CHD6: variants seen among roughly 807,000 people sequenced by gnomAD.
The protein encoded by CHD6 is ATP-dependent chromatin remodeler CHD6.
Under a neutral mutation model 276.9 loss-of-function variants are expected in CHD6, and 50 were observed. The observed-to-expected ratio is 0.18, with a 90% confidence interval of 0.14 to 0.23. The LOEUF (loss-of-function observed/expected upper bound fraction) is 0.23, where lower values mean the gene tolerates loss of function less well. CHD6 is among the 10% of genes least tolerant of loss of function. The pLI is 1.00. For missense variants in CHD6, 2,564 were observed against 3,365.8 expected (o/e 0.76, Z 5.89); for synonymous variants, 1,173 against 1,229.3 (o/e 0.95, Z 0.96).
At chr20:41,442,756 T>C (rs188053236) in intron 25 of CHD6, among the ~76,000 whole-genome samples, 58 of 152,298 alleles carry the variant, frequency 3.8e-4, no homozygotes, top group Admixed American at 1.2e-3. Context: ...GTTACCTAGA[T>C]GAGGACATGT....
intron 1 of CHD6, among the ~76,000 whole-genome samples, chr20:41,576,652 C>G (rs1208542963): frequency 1.3e-5 from 2 of 152,122 alleles, no homozygotes; most frequent in Non-Finnish European, 2.9e-5. Flanking sequence ...CCAGCCTGGG[C>G]GACAGAGCAA....
intron 27 of CHD6, among the ~76,000 whole-genome samples, chr20:41,427,221 T>C (rs1445966514): frequency 1.3e-5 from 2 of 151,478 alleles, no homozygotes; most frequent in Admixed American, 1.3e-4. Context: ...TCTAGTATGG[T>C]AGGAAAGGAG....
chr20:41,484,644 T>C lies in CHD6; in HGVS notation c.2002-37A>G, dbSNP rs1386830102. On this transcript the variant is annotated intron_variant, in intron 14 of 36. Coordinates refer to ENST00000373233, the MANE Select transcript of CHD6 (RefSeq NM_032221.5). ...AATGAGACCTAGTTACCTGCCTCAA[T>C]CCCAAGTTAACGATTACTGGGGTAT... 3 of 1,610,648 alleles carry C rather than the reference T, an allele frequency of 1.9e-6. No individual in the cohort carries two copies. In the South Asian group the frequency reaches 3.3e-5, roughly 18 times the overall value.
At chr20:41,439,870 G>A (rs754367068) in intron 26 of CHD6, 130 bp downstream of exon 26, 13 of 852,210 alleles carry the variant, frequency 1.5e-5, no homozygotes, top group African/African-American at 3.4e-5. Context: ...GGAAAACAGC[G>A]GCAGTGTGGC....
intron 1 of CHD6, among the ~76,000 whole-genome samples, chr20:41,593,573 T>G (rs887812154): frequency 1.3e-5 from 2 of 152,168 alleles, no homozygotes; most frequent in Non-Finnish European, 2.9e-5. Context: ...AACCCAACTC[T>G]TAATATAATA....
chr20:41,575,108 T>C (rs1028900528), intron 1 of CHD6, among the ~76,000 whole-genome samples: 2 of 152,212 alleles, frequency 1.3e-5, no homozygotes, highest in Admixed American at 6.5e-5. Flanking sequence ...TTCATTTACA[T>C]AGCGTGTACA....
chr20:41,522,937 C>A (rs970108016), intron 3 of CHD6, among the ~76,000 whole-genome samples: 19 of 152,040 alleles, frequency 1.2e-4, no homozygotes, highest in Admixed American at 1.2e-3. Flanking sequence ...ATCTGGGAGT[C>A]CTTCCTTTAA....
intron 31 of CHD6, among the ~76,000 whole-genome samples, chr20:41,420,009 ACT>A (rs1436876941): frequency 2.0e-5 from 3 of 152,238 alleles, no homozygotes; most frequent in Non-Finnish European, 2.9e-5. Flanking sequence ...AATCAAATGC[ACT>A]GACCTTAAGC....
At chr20:41,500,027 C>T (rs1011212922) in intron 5 of CHD6, among the ~76,000 whole-genome samples, 3 of 152,126 alleles carry the variant, frequency 2.0e-5, no homozygotes, top group African/African-American at 4.8e-5. Context: ...CACTTCTATC[C>T]TCCAATCTCC....
chr20:41,493,103 C>T (rs957078183), intron 10 of CHD6, among the ~76,000 whole-genome samples: 5 of 151,960 alleles, frequency 3.3e-5, no homozygotes, highest in Non-Finnish European at 7.4e-5. Context: ...TCACAGGGAT[C>T]TGCAGATAAA....
chr20:41,587,122 G>A (rs1403247554), intron 1 of CHD6, among the ~76,000 whole-genome samples: 1 of 152,104 alleles, frequency 6.6e-6, no homozygotes, highest in Non-Finnish European at 1.5e-5. Flanking sequence ...AAGGTCATAG[G>A]CTATAAGATT....
chr20:41,421,019 T>C lies in CHD6; in HGVS notation c.5616A>G (p.Glu1872=). 6.2e-7 allele frequency: 1 copy of C among 1,613,906 alleles called. No homozygotes were observed. Among genetic ancestry groups the C allele is most frequent in the Non-Finnish European group, 8.5e-7 (1 of 1,179,942 alleles). Residue 1872 remains glutamate (E), a synonymous_variant, in exon 31 of 37, where the codon GAA becomes GAG. Transcript: ENST00000373233. ...NHSDEEEEEE[E]NEEENLAMAV... ...CCATGGCTAAGTTTTCCTCCTCGTT[T>C]TCCTCCTCTTCTTCCTCCTCATCAC...
At chr20:41,590,473 G>A (rs2045645072) in intron 1 of CHD6, among the ~76,000 whole-genome samples, 1 of 152,094 alleles carries the variant, frequency 6.6e-6, no homozygotes, top group South Asian at 2.1e-4. Context: ...ATCTGACAAA[G>A]GGCTAATATC....
chr20:41,601,099 T>C (rs1328692610), intron 1 of CHD6, among the ~76,000 whole-genome samples: 2 of 152,176 alleles, frequency 1.3e-5, no homozygotes, highest in South Asian at 2.1e-4. Flanking sequence ...CCTGACAAAC[T>C]CCTATTCATC....
At chr20:41,507,461 A>G (rs2044004293) in intron 5 of CHD6, among the ~76,000 whole-genome samples, 1 of 152,204 alleles carries the variant, frequency 6.6e-6, no homozygotes, top group Non-Finnish European at 1.5e-5. Flanking sequence ...TGATCATCCA[A>G]ATATGGAAAA....
chr20:41,614,085 T>A (rs905960908), intron 1 of CHD6, among the ~76,000 whole-genome samples: 4 of 152,076 alleles, frequency 2.6e-5, no homozygotes, highest in African/African-American at 9.7e-5. Flanking sequence ...ATTAAAAATT[T>A]AACTACTTGA....
At chr20:41,435,536 T>C (rs527713484) in intron 27 of CHD6, among the ~76,000 whole-genome samples, 1 of 150,938 alleles carries the variant, frequency 6.6e-6, no homozygotes, top group African/African-American at 2.4e-5. Context: ...CCTGGGAGGT[T>C]GAGGCTTTAG....
At chr20:41,554,958 C>T (rs1400748242) in intron 1 of CHD6, among the ~76,000 whole-genome samples, 3 of 150,992 alleles carry the variant, frequency 2.0e-5, no homozygotes, top group Non-Finnish European at 4.4e-5. Context: ...TAGGGGCAGC[C>T]GGGCAGAGGC....
chr20:41,506,968 G>T (rs1441130531), intron 5 of CHD6, among the ~76,000 whole-genome samples: 1 of 152,140 alleles, frequency 6.6e-6, no homozygotes, highest in African/African-American at 2.4e-5. Flanking sequence ...AGAGCACTTG[G>T]GTGAATTAGA....
Sources: gnomAD v4.1 joint callset for allele counts (sites outside exome capture counted in the v4.1 genomes callset) on GRCh38, gnomAD v4.1.1 for gene constraint, MANE v1.5 for transcripts, NCBI Gene and HGNC (gene_info 2026-07-23, HGNC 2026-07-21) for gene names.